Variants in CSMD1 observed in about 807,000 individuals in gnomAD.
CSMD1 encodes CUB and Sushi multiple domains 1.
Under a neutral mutation model 417.5 loss-of-function variants are expected in CSMD1, and 213 were observed. That is an observed-to-expected ratio of 0.51 (90% CI 0.46 to 0.57). The LOEUF (loss-of-function observed/expected upper bound fraction) is 0.57, where lower values mean the gene tolerates loss of function less well. Ranked by LOEUF, CSMD1 falls within the 20% of genes least tolerant of loss-of-function variation. The pLI, the probability that CSMD1 is intolerant of heterozygous loss-of-function variation, is 0.00. For synonymous variants in CSMD1, 2,862 were observed against 1,736.8 expected, an observed-to-expected ratio of 1.65 and a Z score of -16.11; for missense variants, 6,923 against 4,529.7, an observed-to-expected ratio of 1.53 and a Z score of -15.17.
intron 3 of CSMD1, among the ~76,000 whole-genome samples, chr8:4,225,423 A>G (rs1413633305): frequency 2.0e-5 from 3 of 152,046 alleles, no homozygotes; most frequent in South Asian, 4.1e-4. Context: ...GAACATTTTC[A>G]TACATTATTC....
intron 10 of CSMD1, among the ~76,000 whole-genome samples, chr8:3,499,169 G>C (rs1796489729): frequency 6.6e-6 from 1 of 152,142 alleles, no homozygotes; most frequent in Admixed American, 6.6e-5. Context: ...CTGTAGATGT[G>C]TCTCATAGTG....
At chr8:4,178,640 T>A (rs1330408042) in intron 3 of CSMD1, among the ~76,000 whole-genome samples, 2 of 152,086 alleles carry the variant, frequency 1.3e-5, no homozygotes, top group Non-Finnish European at 2.9e-5. Flanking sequence ...GAAGTCAAAT[T>A]GTCCCTTTTT....
chr8:3,867,381 C>A (rs557194506), intron 5 of CSMD1, among the ~76,000 whole-genome samples: 2 of 152,154 alleles, frequency 1.3e-5, no homozygotes, highest in South Asian at 2.1e-4. Flanking sequence ...TTATAATACC[C>A]CAAATTTCCA....
chr8:3,405,196 A>G (rs919348576), intron 15 of CSMD1, among the ~76,000 whole-genome samples: 4 of 152,160 alleles, frequency 2.6e-5, no homozygotes, highest in African/African-American at 4.8e-5. Flanking sequence ...TTTCTTCTTA[A>G]ATTTGTACTT....
chr8:3,710,432 T>G (rs988969184), intron 6 of CSMD1, among the ~76,000 whole-genome samples: 1 of 152,150 alleles, frequency 6.6e-6, no homozygotes, highest in Non-Finnish European at 1.5e-5. Flanking sequence ...ATCTTTAGTA[T>G]GGTGTCCTGA....
chr8:4,902,744 T>A (rs1253530952), intron 1 of CSMD1, among the ~76,000 whole-genome samples: 1 of 152,040 alleles, frequency 6.6e-6, no homozygotes, highest in Non-Finnish European at 1.5e-5. Context: ...GGAAAATGTG[T>A]CTCCCTCTGG....
chr8:4,172,212 C>T (rs1797802244), intron 3 of CSMD1, among the ~76,000 whole-genome samples: 1 of 152,086 alleles, frequency 6.6e-6, no homozygotes, highest in Non-Finnish European at 1.5e-5. Context: ...TAAAATAAAA[C>T]ACTGGACCAA....
intron 1 of CSMD1, among the ~76,000 whole-genome samples, chr8:4,776,798 G>A (rs577520854): frequency 6.6e-6 from 1 of 151,912 alleles, no homozygotes; most frequent in African/African-American, 2.4e-5. Flanking sequence ...TTATATTAGA[G>A]CCAGACGATT....
chr8:4,583,151 GA>G (rs1799515944), intron 2 of CSMD1, among the ~76,000 whole-genome samples: 1 of 152,102 alleles, frequency 6.6e-6, no homozygotes, highest in Admixed American at 6.5e-5. Context: ...CCTCCCCAAC[GA>G]GCACCATCCT....
intron 1 of CSMD1, among the ~76,000 whole-genome samples, chr8:4,699,267 T>A (rs761012069): frequency 2.0e-5 from 3 of 152,184 alleles, no homozygotes; most frequent in Non-Finnish European, 4.4e-5. Flanking sequence ...GCAATTACAC[T>A]CCTCCTTCTA....
chr8:4,188,282 G>A (rs565132705), intron 3 of CSMD1, among the ~76,000 whole-genome samples: 5 of 152,080 alleles, frequency 3.3e-5, no homozygotes, highest in East Asian at 1.9e-4. Flanking sequence ...CCTAGACGTC[G>A]GTCAATGTCC....
chr8:4,921,928 A>C (rs573914522), intron 1 of CSMD1, among the ~76,000 whole-genome samples: 26 of 152,296 alleles, frequency 1.7e-4, no homozygotes, highest in African/African-American at 6.3e-4. Flanking sequence ...AGCCTTCTGA[A>C]CGTACCCTCA....
At chr8:4,349,500 T>C (rs968277133) in intron 3 of CSMD1, among the ~76,000 whole-genome samples, 21 of 152,300 alleles carry the variant, frequency 1.4e-4, no homozygotes, top group African/African-American at 4.8e-4. Context: ...CTATCTAGAA[T>C]CTACCTTCTT....
Position 3,142,540 on chromosome 8 carries a change from T to C in CSMD1, c.6166A>G (p.Thr2056Ala), listed in dbSNP as rs951588277. 3 of 1,614,042 alleles carry C rather than the reference T, an allele frequency of 1.9e-6. No homozygotes were observed. The highest frequency in any genetic ancestry group is 2.5e-6 in the Non-Finnish European group (3 of 1,179,902). Residue 2056 changes from threonine (T) to alanine (A), a missense_variant, in exon 41 of 70, where the codon ACA (threonine) becomes GCA (alanine). Transcript: ENST00000635120. ...AAGTGGATGAGGGTTTCATGCGTTG[T>C]GCTCAGCAGGGCCGCGGGGAGATCC... is the stretch of plus-strand genomic sequence containing the variant. ...GTDLPAALLS[T>A]THETLIHFYS...
chr8:3,274,145 T>C (rs1380911452), intron 26 of CSMD1, among the ~76,000 whole-genome samples: 1 of 151,736 alleles, frequency 6.6e-6, no homozygotes, highest in African/African-American at 2.4e-5. Flanking sequence ...TCTCGTTGGT[T>C]TCAAAGAACA....
intron 4 of CSMD1, among the ~76,000 whole-genome samples, chr8:4,007,311 G>A (rs1490524862): frequency 6.6e-6 from 1 of 152,172 alleles, no homozygotes; most frequent in Admixed American, 6.5e-5. Context: ...GGCTTCTTCT[G>A]TTCCTCATCC....
At chr8:3,701,408 G>C (rs1278545343) in intron 7 of CSMD1, among the ~76,000 whole-genome samples, 2 of 152,094 alleles carry the variant, frequency 1.3e-5, no homozygotes, top group African/African-American at 2.4e-5. Context: ...AGTTGCGAAA[G>C]TCTGTCCCCG....
At position 4,686,448 on chromosome 8, in the gene CSMD1, C is replaced by T. The variant is rs550590853; in HGVS notation, c.86-48890G>A. The stretch of plus-strand genomic sequence containing the variant: ...TCCCCCGATGTAGGCCATAAGTAGG[C>T]CTTGTGCGAGAGGGGGCCTCCCCAT... On this transcript the variant is annotated intron_variant, in intron 1 of 69. Coordinates refer to ENST00000635120, the MANE Select transcript of CSMD1 (RefSeq NM_033225.6). 2.0e-5 allele frequency among the ~76,000 whole-genome samples: 3 copies of T among 152,328 alleles called. No individual in the cohort carries two copies. In the South Asian group the frequency reaches 6.2e-4, roughly 32 times the overall value.
chr8:3,698,032 T>G (rs1233439292), intron 7 of CSMD1, among the ~76,000 whole-genome samples: 3 of 149,992 alleles, frequency 2.0e-5, no homozygotes, highest in Non-Finnish European at 3.0e-5. Context: ...TTTTATGTAT[T>G]TTAATAGATC....
Sources: gnomAD v4.1 joint callset for allele counts (sites outside exome capture counted in the v4.1 genomes callset) on GRCh38, gnomAD v4.1.1 for gene constraint, MANE v1.5 for transcripts, NCBI Gene and HGNC (gene_info 2026-07-23, HGNC 2026-07-21) for gene names.